The following NT5DC2 variants were observed in gnomAD, a reference collection of about 807,000 sequenced individuals.
NT5DC2 encodes 5'-nucleotidase domain containing 2, also known as 5'-nucleotidase domain-containing protein 2.
In NT5DC2, 41 loss-of-function variants were observed where a neutral mutation model predicts 70.0. The observed-to-expected ratio is 0.59, with a 90% CI of 0.46 to 0.76. The LOEUF (loss-of-function observed/expected upper bound fraction) is 0.76, where lower values mean the gene tolerates loss of function less well. Ranked by LOEUF, NT5DC2 falls within the 30% of genes least tolerant of loss-of-function variation. NT5DC2 has a pLI of 0.00. For missense variants in NT5DC2, 705 were observed against 783.2 expected (o/e 0.90, Z 1.19); for synonymous variants, 299 against 310.4 (o/e 0.96, Z 0.39).
chr3:52,532,295 C>G, intron 1 of NT5DC2: 1 of 985,384 alleles, frequency 1.0e-6, no homozygotes, highest in Non-Finnish European at 1.2e-6. Flanking sequence ...CCTGAAACCT[C>G]CAAGGCAGGC....
In NT5DC2 at chr3:52,533,696, C is replaced by T. The variant is rs1027070360; in HGVS notation, c.42G>A (p.Leu14=). 2.5e-5 allele frequency: 26 copies of T among 1,049,360 alleles called. No homozygotes were observed. The African/African-American group carries it at 3.9e-4, about 16-fold the overall frequency. The allele number at this position is 1,049,360 out of a possible 1,614,324, so 65.0% of individuals were successfully genotyped here. The change falls in exon 1 of 14, where the codon CTG becomes CTA. Residue 14 remains leucine (L), a synonymous_variant. Coordinates refer to ENST00000422318, the MANE Select transcript of NT5DC2 (RefSeq NM_001134231.2). Reference sequence around the variant, plus strand: ...GCGGCCCGCCGTGGCCTCCGCACAGCAGCCAGCGCCGAGCGGCCGCCCGCA... The same window carrying T: ...GCGGCCCGCCGTGGCCTCCGCACAGTAGCCAGCGCCGAGCGGCCGCCCGCA... ...AGLRAAARRW[L]LCGGHGGPRA... is the part of the protein sequence containing the mutation.
Position 52,529,105 on chromosome 3 carries a change from GCCT to G in NT5DC2, c.417+42_417+44del. ...GCTTAGGCCAAGGTGGGTCTGGCCA[GCCT>G]CCAAGCCCTGGGTTTGTTGGTGGCA... On this transcript the variant is annotated intron_variant, in intron 2 of 13. Transcript: ENST00000422318. The surrounding 1 kb of genome is among the most constrained non-coding windows in gnomAD (Gnocchi z 4.1). The G allele has an allele frequency of 6.2e-7, 1 of 1,611,488 alleles. No homozygotes were observed. Among genetic ancestry groups the G allele is most frequent in the Non-Finnish European group, 8.5e-7 (1 of 1,178,070 alleles).
chr3:52,533,371 G>A (rs2153245731), intron 1 of NT5DC2, 135 bp downstream of exon 1: 3 of 965,112 alleles, frequency 3.1e-6, no homozygotes, highest in Non-Finnish European at 4.3e-6. Flanking sequence ...GCGAAAAGCC[G>A]CCCGGCCCTT....
chr3:52,534,626 C>T (rs1404890007), upstream of NT5DC2: 2 of 1,613,730 alleles, frequency 1.2e-6, no homozygotes, highest in African/African-American at 2.7e-5. Flanking sequence ...ATTCCTCTTT[C>T]CTGCGCAGAA....
chr3:52,527,807 C>T (rs763536079), intron 8 of NT5DC2, 22 bp downstream of exon 8: 17 of 1,612,382 alleles, frequency 1.1e-5, no homozygotes, highest in Admixed American at 3.3e-5. Flanking sequence ...GCTGTCCCTC[C>T]ATCCACAGGG....
intron 10 of NT5DC2, chr3:52,525,681 A>C (rs987709553): frequency 1.0e-5 from 2 of 193,228 alleles, no homozygotes; most frequent in Admixed American, 5.8e-5. Context: ...CCAATGGCAG[A>C]CCTCACCGGG....
At chr3:52,533,132 C>T (rs2079382865) in intron 1 of NT5DC2, among the ~76,000 whole-genome samples, 1 of 152,032 alleles carries the variant, frequency 6.6e-6, no homozygotes, top group Non-Finnish European at 1.5e-5. Flanking sequence ...TTGTCCACAG[C>T]ACTCTCCCGC....
At position 52,524,897 on chromosome 3, in the gene NT5DC2, G is replaced by A. The variant is rs1226399031; in HGVS notation, c.1348-16C>T. Reference sequence around the variant, plus strand: ...CCTGATAGGTCTGGGGACACAAAGTGTGCATTGGGTGTGTGCACCCAGGAG... The same window carrying A: ...CCTGATAGGTCTGGGGACACAAAGTATGCATTGGGTGTGTGCACCCAGGAG... On this transcript the variant is annotated splice_polypyrimidine_tract_variant and intron_variant, in intron 12 of 13. Transcript: ENST00000422318. 3.1e-6 allele frequency: 5 copies of A among 1,612,096 alleles called. No individual in the cohort carries two copies. The African/African-American group carries it at 5.3e-5, about 17-fold the overall frequency.
chr3:52,528,092 A>G lies in NT5DC2; in HGVS notation c.772-19T>C. ...TGGCGTCCTGGGGGCAGTGGAGGACAATGAGGGTACAGCAGGGCCCAGGTG... is the reference window on the plus strand; with the variant it reads ...TGGCGTCCTGGGGGCAGTGGAGGACGATGAGGGTACAGCAGGGCCCAGGTG... On this transcript the variant is annotated intron_variant, in intron 6 of 13. Coordinates refer to ENST00000422318, the MANE Select transcript of NT5DC2 (RefSeq NM_001134231.2). 6.2e-7 allele frequency: 1 copy of G among 1,612,806 alleles called. No homozygotes were observed. Among genetic ancestry groups the G allele is most frequent in the Non-Finnish European group, 8.5e-7 (1 of 1,179,916 alleles).
chr3:52,528,398 C>T, intron 5 of NT5DC2, 48 bp downstream of exon 5: 1 of 1,613,288 alleles, frequency 6.2e-7, no homozygotes, highest in East Asian at 2.2e-5. Flanking sequence ...TGCCTTGGGA[C>T]ATGGGCACAT....
intron 1 of NT5DC2, chr3:52,532,103 A>G (rs2079369646): frequency 1.2e-6 from 1 of 855,346 alleles, no homozygotes; most frequent in Admixed American, 6.2e-5. Context: ...GCCCGTGGGC[A>G]TTAGCCCAAA....
At position 52,529,474 on chromosome 3, in the gene NT5DC2, G is replaced by T. The variant is rs1401651482; in HGVS notation, c.233-140C>A. 5.0e-6 allele frequency: 4 copies of T among 803,190 alleles called. No individual in the cohort carries two copies. The highest frequency in any genetic ancestry group is 1.7e-5 in the African/African-American group (1 of 58,376). 49.8% of individuals were successfully genotyped at this position (803,190 alleles called of 1,614,324 possible). The stretch of plus-strand genomic sequence containing the variant: ...TGGCACCTCTTATTCCAGTGCTGGA[G>T]ATGGTCAAACAGGCCCAGAGAGAAG... On this transcript the variant is annotated intron_variant, in intron 1 of 13. Coordinates refer to ENST00000422318, the MANE Select transcript of NT5DC2 (RefSeq NM_001134231.2). The surrounding 1 kb of genome is among the most constrained non-coding windows in gnomAD (Gnocchi z 4.1).
intron 1 of NT5DC2, chr3:52,532,396 C>G: frequency 4.1e-6 from 4 of 985,474 alleles, no homozygotes; most frequent in Non-Finnish European, 4.8e-6. Context: ...CAAACTCAAC[C>G]TGGGACCTCG....
rs772770792 is a variant in NT5DC2, at chr3:52,524,620, G to C, written c.1524C>G (p.Ala508=). Residue 508 remains alanine, a synonymous_variant, in exon 14 of 14, where the codon GCC becomes GCG. Coordinates refer to ENST00000422318, the MANE Select transcript of NT5DC2 (RefSeq NM_001134231.2). ...RLVRFSDLYM[A]SLSCLLNYRV... Reference sequence around the variant, plus strand: ...GGTAGTTGAGCAGGCAGCTGAGGGAGGCCATGTAGAGGTCAGAGAAGCGCA... The same window carrying C: ...GGTAGTTGAGCAGGCAGCTGAGGGACGCCATGTAGAGGTCAGAGAAGCGCA... 3.3e-5 allele frequency: 54 copies of C among 1,613,194 alleles called. No individual in the cohort carries two copies. Among genetic ancestry groups the C allele is most frequent in the Non-Finnish European group, 4.4e-5 (52 of 1,180,042 alleles).
chr3:52,527,805 TC>T (rs764178415), intron 8 of NT5DC2, 23 bp downstream of exon 8: 10 of 1,612,144 alleles, frequency 6.2e-6, no homozygotes, highest in Non-Finnish European at 7.6e-6. Context: ...CTGCTGTCCC[TC>T]CATCCACAGG....
upstream of NT5DC2, chr3:52,534,713 G>C: frequency 3.9e-6 from 6 of 1,554,306 alleles, no homozygotes; most frequent in Non-Finnish European, 5.2e-6. Flanking sequence ...CTCAGGGTCC[G>C]GAGGAGGCCG....
rs746162588 is a variant in NT5DC2, at chr3:52,528,659, C to A, written c.526G>T (p.Val176Leu). 1 of 1,588,804 alleles carries A rather than the reference C, an allele frequency of 6.3e-7. No individual in the cohort carries two copies. Among genetic ancestry groups the A allele is most frequent in the Non-Finnish European group, 8.6e-7 (1 of 1,168,132 alleles). ...LLMKIDAFHYVQLGTAYRGLQ... is the reference protein window; with the variant it reads ...LLMKIDAFHYLQLGTAYRGLQ... ...GACCTGTAGGCTGTCCCCAGCTGCA[C>A]GTAGTGGAAGGCGTCAATCTTCATC... The change falls in exon 4 of 14, where the codon GTG (valine) becomes TTG (leucine). Residue 176 changes from valine (V) to leucine (L), a missense_variant. Val to Leu is a conservative substitution (Grantham distance 32). Transcript: ENST00000422318.
At chr3:52,532,232 A>G (rs2079371474) in intron 1 of NT5DC2, 1 of 985,340 alleles carries the variant, frequency 1.0e-6, no homozygotes, top group Admixed American at 6.1e-5. Flanking sequence ...GTGAGGCTCC[A>G]AAGATGCAGG....
upstream of NT5DC2, chr3:52,533,978 C>T (rs1479171303): frequency 4.2e-5 from 15 of 360,650 alleles, no homozygotes; most frequent in African/African-American, 3.3e-4. Flanking sequence ...CTCCCCCAGC[C>T]AGTCTCCGGC....
Sources: allele counts gnomAD v4.1 joint callset (sites outside exome capture counted in the v4.1 genomes callset), GRCh38; gene constraint gnomAD v4.1.1; non-coding constraint Gnocchi (gnomAD v3.1); transcripts MANE v1.5; gene names NCBI Gene and HGNC (gene_info 2026-07-23, HGNC 2026-07-21).